NCOR2: variants seen among roughly 807,000 people sequenced by gnomAD.
NCOR2 encodes nuclear receptor corepressor 2.
Under a neutral mutation model 262.9 loss-of-function variants are expected in NCOR2, and 81 were observed. That is an observed-to-expected ratio of 0.31 (90% CI 0.26 to 0.37). The LOEUF (loss-of-function observed/expected upper bound fraction) is 0.37, where lower values mean the gene tolerates loss of function less well. Ranked by LOEUF, NCOR2 falls within the 10% of genes least tolerant of loss-of-function variation. NCOR2 has a pLI of 1.00. For missense variants in NCOR2, 3,385 were observed against 3,621.4 expected (o/e 0.93, Z 1.68); for synonymous variants, 1,659 against 1,559.3 (o/e 1.06, Z -1.51).
chr12:124,388,784 G>A (rs992231420), intron 16 of NCOR2: 78 of 1,303,066 alleles, frequency 6.0e-5, no homozygotes, highest in South Asian at 2.0e-4. Context: ...CAGGCTGGGC[G>A]GCCGCGGTCG....
At chr12:124,340,427 C>G in exon 36 of NCOR2, 2 of 1,612,776 alleles carry the variant, frequency 1.2e-6, no homozygotes, top group South Asian at 1.1e-5. Context: ...TTGGTTTTGT[C>G]AAGTGTGTTG....
chr12:124,462,984 G>A (rs2046244910), intron 5 of NCOR2, among the ~76,000 whole-genome samples: 1 of 152,162 alleles, frequency 6.6e-6, no homozygotes, highest in Non-Finnish European at 1.5e-5. Context: ...TCCACCTTGT[G>A]AATGAGCCAT....
chr12:124,356,605 T>C (rs1432416515), intron 23 of NCOR2, 37 bp downstream of exon 25: 6 of 1,412,266 alleles, frequency 4.2e-6, no homozygotes, highest in Non-Finnish European at 2.8e-6. Context: ...GATTGTGCAC[T>C]GGCTGAAGAA....
At position 124,379,574 on chromosome 12, in the gene NCOR2, C is replaced by CG. The variant is rs537310340; in HGVS notation, c.2020-1191dup. Among the ~76,000 whole-genome samples the CG allele has an allele frequency of 4.6e-5, 7 of 152,092 alleles. 1 individual carries two copies. Among genetic ancestry groups the CG allele is most frequent in the East Asian group, 1.9e-4 (1 of 5,168 alleles). On this transcript the variant is annotated intron_variant, in intron 17 of 46. Coordinates refer to ENST00000405201, the Ensembl canonical transcript of NCOR2. ...GGGTGCCCACCACAGCCTGGTGTGA[C>CG]GGGGGGGCGGCAGCCTGATCCCTCT...
Position 124,449,865 on chromosome 12 carries a change from C to A in NCOR2, c.765G>T (p.Pro255=), listed in dbSNP as rs563740810. The A allele has an allele frequency of 2.5e-6, 4 of 1,613,914 alleles. No homozygotes were observed. In the South Asian group the frequency reaches 4.4e-5, roughly 18 times the overall value. The change falls in exon 7 of 47, where the codon CCG becomes CCT. Residue 255 remains proline, a splice_region_variant and synonymous_variant. Coordinates refer to ENST00000405201, the Ensembl canonical transcript of NCOR2. The stretch of plus-strand genomic sequence containing the variant: ...GGGTGTCGGAGGGCTGGTTGTACAG[C>A]GGCTGCAAAGGGAGAGAGAGAAGCA...
Position 124,342,470 on chromosome 12 carries a change from C to T in NCOR2, c.4937-396G>A, listed in dbSNP as rs995749189. Among the ~76,000 whole-genome samples, 44 of 152,156 alleles carry T rather than the reference C, an allele frequency of 2.9e-4. No homozygotes were observed. In the East Asian group the frequency reaches 5.0e-3, roughly 17 times the overall value. ...CTGCAAGCTCCGCCTCCCGGGTTCA[C>T]GCCATTCTCCTGCCTCAGCCTCCCG... On this transcript the variant is annotated intron_variant, in intron 33 of 46. Coordinates refer to ENST00000405201, the Ensembl canonical transcript of NCOR2.
chr12:124,400,695 T>C (rs370192524), intron 14 of NCOR2, 22 bp from the exon 17 acceptor site: 18 of 1,609,866 alleles, frequency 1.1e-5, no homozygotes, highest in Middle Eastern at 1.6e-4. Flanking sequence ...AGAGGGGAGA[T>C]AGGATGGCTT....
intron 5 of NCOR2, 23 bp downstream of exon 7, chr12:124,466,150 C>A (rs2046406924): frequency 6.3e-7 from 1 of 1,587,702 alleles, no homozygotes; most frequent in Admixed American, 1.7e-5. Context: ...CGGGGGGCAG[C>A]AGGCCAGGGC....
chr12:124,354,457 C>T (rs1295368329), intron 26 of NCOR2, 21 bp downstream of exon 28: 1 of 1,488,726 alleles, frequency 6.7e-7, no homozygotes, highest in East Asian at 2.4e-5. Context: ...TGCTGGGGGC[C>T]CAGGGCAGAA....
chr12:124,327,521 G>T (rs1157613936), exon 45 of NCOR2: 1 of 1,613,810 alleles, frequency 6.2e-7, no homozygotes, highest in South Asian at 1.1e-5. Flanking sequence ...TGAGCGGCGG[G>T]GACTCTTCCC....
chr12:124,493,279 A>G (rs753319626), intron 1 of NCOR2, among the ~76,000 whole-genome samples: 24 of 152,182 alleles, frequency 1.6e-4, no homozygotes, highest in Non-Finnish European at 3.2e-4. Context: ...GGGAACCTCC[A>G]CAGGACAGGA....
chr12:124,485,852 G>A (rs1032966309), intron 2 of NCOR2, among the ~76,000 whole-genome samples: 10 of 152,188 alleles, frequency 6.6e-5, no homozygotes, highest in Admixed American at 3.9e-4. Flanking sequence ...TAGAGAAGAT[G>A]GGAGAAAGAA....
chr12:124,451,191 T>C (rs1341411721), intron 6 of NCOR2, among the ~76,000 whole-genome samples: 1 of 152,246 alleles, frequency 6.6e-6, no homozygotes, highest in South Asian at 2.1e-4. Context: ...AGCAGCGTGG[T>C]GCAACCCAGC....
chr12:124,566,031 G>A lies in NCOR2; in HGVS notation c.-165+1277C>T, dbSNP rs2052226439. ...CTGCCGCAAGGACCCAGATCTGGCT[G>A]AAAAGGGGCAAAGTCAAGGCCACCG... On this transcript the variant is annotated intron_variant, in intron 1 of 32. Transcript: ENST00000458234. This position sits in a 1 kb window ranked among gnomAD's most constrained non-coding sequence, Gnocchi z 4.3. Among the ~76,000 whole-genome samples the A allele has an allele frequency of 6.6e-6, 1 of 152,298 alleles. No individual in the cohort carries two copies. Among genetic ancestry groups the A allele is most frequent in the African/African-American group, 2.4e-5 (1 of 41,564 alleles).
intron 9 of NCOR2, 44 bp from the exon 12 acceptor site, chr12:124,429,750 C>T (rs377084717): frequency 8.0e-5 from 122 of 1,532,426 alleles, no homozygotes; most frequent in Admixed American, 2.3e-4. Flanking sequence ...TTCTGGTGGT[C>T]GGGGACACTA....
chr12:124,394,919 G>A (rs1169703782), intron 16 of NCOR2, among the ~76,000 whole-genome samples: 2 of 152,204 alleles, frequency 1.3e-5, no homozygotes, highest in African/African-American at 2.4e-5. Flanking sequence ...CTTGCCTGAG[G>A]TCACACAGCT....
intron 1 of NCOR2, among the ~76,000 whole-genome samples, chr12:124,565,418 C>A (rs1377007854): frequency 6.6e-6 from 1 of 152,190 alleles, no homozygotes; most frequent in Non-Finnish European, 1.5e-5. Flanking sequence ...GCTCCACCCC[C>A]CCTTCATTGC....
At chr12:124,346,685 C>A in exon 31 of NCOR2, 1 of 1,574,330 alleles carries the variant, frequency 6.4e-7, no homozygotes. Context: ...GGCCACCAGG[C>A]CCTCATGGGC....
At chr12:124,325,392 C>CCCCCCCCA in exon 47 of NCOR2, 4 of 1,152,268 alleles carry the variant, frequency 3.5e-6, no homozygotes, top group Non-Finnish European at 4.5e-6. Context: ...CCCCCCCGCC[C>CCCCCCCCA]TGTTCTGAGT....
Sources: allele counts gnomAD v4.1 joint callset (sites outside exome capture counted in the v4.1 genomes callset), GRCh38; gene constraint gnomAD v4.1.1; non-coding constraint Gnocchi (gnomAD v3.1); transcripts MANE v1.5; gene names NCBI Gene and HGNC (gene_info 2026-07-23, HGNC 2026-07-21).